GSE1: variants seen among roughly 807,000 people sequenced by gnomAD.
The protein encoded by GSE1 is Gse1 coiled-coil protein.
In GSE1, 32 loss-of-function variants were observed where a neutral mutation model predicts 112.6. That is an observed-to-expected ratio of 0.28 (90% CI 0.21 to 0.38). The LOEUF is 0.38. GSE1 is among the 10% of genes least tolerant of loss of function. GSE1 has a pLI of 1.00. For missense variants in GSE1, 2,348 were observed against 1,699.2 expected (o/e 1.38, Z -6.71); for synonymous variants, 1,115 against 735.6 (o/e 1.52, Z -8.35).
intron 2 of GSE1, among the ~76,000 whole-genome samples, chr16:85,455,397 G>C (rs1464350278): frequency 6.6e-6 from 1 of 152,030 alleles, no homozygotes; most frequent in Non-Finnish European, 1.5e-5. Context: ...GAGAGAGAGA[G>C]AGAGAGAAAG....
exon 1 of GSE1, chr16:85,170,901 G>A: frequency 2.0e-6 from 2 of 985,584 alleles, no homozygotes; most frequent in Non-Finnish European, 2.4e-6. Context: ...CCCCCGGCAT[G>A]GCCTCTAAGG....
At chr16:85,659,951 A>C (rs921551621) in intron 8 of GSE1, among the ~76,000 whole-genome samples, 3 of 152,338 alleles carry the variant, frequency 2.0e-5, no homozygotes, top group Admixed American at 1.3e-4. Context: ...GTCTCGGCAC[A>C]GGCCCCATCC....
At chr16:85,606,897 C>T (rs932335530), upstream of GSE1, among the ~76,000 whole-genome samples, 2 of 152,228 alleles carry the variant, frequency 1.3e-5, no homozygotes, top group African/African-American at 4.8e-5. Context: ...CGCTGCTCCC[C>T]CAGCCCCCTT....
At chr16:85,352,601 GC>G (rs1384121394) in intron 1 of GSE1, among the ~76,000 whole-genome samples, 1 of 152,214 alleles carries the variant, frequency 6.6e-6, no homozygotes, top group East Asian at 1.9e-4. Flanking sequence ...TTCAGGGCCT[GC>G]TTTTTCAGGG....
chr16:85,512,949 C>G (rs897499096), intron 2 of GSE1, among the ~76,000 whole-genome samples: 1 of 152,034 alleles, frequency 6.6e-6, no homozygotes, highest in African/African-American at 2.4e-5. Context: ...GGTGTTCTGC[C>G]CACCACACTT....
chr16:85,179,453 C>T (rs1376172525), intron 1 of GSE1, among the ~76,000 whole-genome samples: 2 of 152,188 alleles, frequency 1.3e-5, no homozygotes, highest in East Asian at 3.8e-4. Context: ...AATCATGCCA[C>T]TGTGAACACG....
At chr16:85,256,209 G>T (rs541760875) in intron 1 of GSE1, among the ~76,000 whole-genome samples, 2 of 152,158 alleles carry the variant, frequency 1.3e-5, no homozygotes, top group Non-Finnish European at 2.9e-5. Context: ...ACAGCACCGG[G>T]GGGTGGAGGG....
rs181793955 is a variant in GSE1, at chr16:85,371,087, C to T, written c.2464+13444C>T. On this transcript the variant is annotated intron_variant, in intron 2 of 2. Transcript: ENST00000637419. Reference sequence around the variant, plus strand: ...TTGTGGGCCTGGGCCTGGAGGGAGCCGGAGGCGTCCTCTTCTCCTCCCACC... The same window carrying T: ...TTGTGGGCCTGGGCCTGGAGGGAGCTGGAGGCGTCCTCTTCTCCTCCCACC... Among the ~76,000 whole-genome samples, 495 of 152,306 alleles carry T rather than the reference C, an allele frequency of 3.3e-3. 1 individual carries two copies. The highest frequency in any genetic ancestry group is 4.1e-3 in the Non-Finnish European group (281 of 68,012).
intron 1 of GSE1, among the ~76,000 whole-genome samples, chr16:85,633,023 G>GCCGCCGCCGCCGCTGTCA (rs1555552303): frequency 1.3e-5 from 2 of 152,104 alleles, no homozygotes; most frequent in Admixed American, 6.5e-5. Context: ...TGCCGCCGCC[G>GCCGCCGCCGCCGCTGTCA]CCGCCGCTGT....
chr16:85,270,485 G>A (rs887245095), intron 1 of GSE1, among the ~76,000 whole-genome samples: 2 of 149,008 alleles, frequency 1.3e-5, no homozygotes, highest in African/African-American at 4.9e-5. Flanking sequence ...TGCTTCGGTA[G>A]CCAGAGGTAG....
chr16:85,524,412 G>A (rs2052295883), intron 2 of GSE1, among the ~76,000 whole-genome samples: 1 of 152,142 alleles, frequency 6.6e-6, no homozygotes, highest in Non-Finnish European at 1.5e-5. Flanking sequence ...GCTCAGAATG[G>A]GATAGCAGAG....
chr16:85,310,982 G>A (rs8054890), intron 1 of GSE1, among the ~76,000 whole-genome samples: 2,075 of 152,360 alleles, frequency 0.014, 40 homozygotes, highest in African/African-American at 0.047. Context: ...TTCAGCAACC[G>A]GCAGGCAGGA....
intron 2 of GSE1, among the ~76,000 whole-genome samples, chr16:85,453,478 C>G (rs761521369): frequency 1.3e-5 from 2 of 152,052 alleles, no homozygotes; most frequent in Non-Finnish European, 2.9e-5. Context: ...GGCTGGGTCC[C>G]AGCTTAGGTG....
intron 2 of GSE1, among the ~76,000 whole-genome samples, chr16:85,479,465 G>A (rs1224408948): frequency 6.6e-6 from 1 of 151,562 alleles, no homozygotes; most frequent in African/African-American, 2.4e-5. Context: ...CACCATGCCT[G>A]GCCAATTTTT....
chr16:85,470,956 G>A (rs1237782225), intron 2 of GSE1, among the ~76,000 whole-genome samples: 4 of 152,210 alleles, frequency 2.6e-5, no homozygotes, highest in Non-Finnish European at 4.4e-5. Flanking sequence ...CACATAGCGC[G>A]TTGCCATCTG....
intron 13 of GSE1, 43 bp from the exon 14 acceptor site, chr16:85,668,097 C>G (rs1291842322): frequency 2.9e-5 from 43 of 1,477,822 alleles, no homozygotes; most frequent in Non-Finnish European, 3.8e-5. Flanking sequence ...CACCCTGTGT[C>G]CCTTCCCCCA....
At chr16:85,501,499 C>G (rs1208394247) in intron 2 of GSE1, among the ~76,000 whole-genome samples, 1 of 150,610 alleles carries the variant, frequency 6.6e-6, no homozygotes, top group Non-Finnish European at 1.5e-5. Flanking sequence ...TTCAAGCGAT[C>G]TCCCGCCTCA....
chr16:85,574,692 G>GT (rs141547524), intron 1 of GSE1, among the ~76,000 whole-genome samples: 1,890 of 152,272 alleles, frequency 0.012, 34 homozygotes, highest in African/African-American at 0.043. Context: ...TGTGCCAGAT[G>GT]TTTTTTTTCC....
chr16:85,663,727 G>A, intron 11 of GSE1, 113 bp downstream of exon 11: 1 of 1,109,106 alleles, frequency 9.0e-7, no homozygotes. Flanking sequence ...CTGAGCCTGA[G>A]GCTGCCCCTT....
Sources: gnomAD v4.1 joint callset for allele counts (sites outside exome capture counted in the v4.1 genomes callset) on GRCh38, gnomAD v4.1.1 for gene constraint, MANE v1.5 for transcripts, NCBI Gene and HGNC (gene_info 2026-07-23, HGNC 2026-07-21) for gene names.